Variants in KANSL2 observed in about 807,000 individuals in gnomAD.
KANSL2 encodes KAT8 regulatory NSL complex subunit 2.
In KANSL2, 34 loss-of-function variants were observed where a neutral mutation model predicts 55.6. That is an observed-to-expected ratio of 0.61 (90% confidence interval 0.46 to 0.81). The LOEUF is 0.81. Among genes scored for constraint, KANSL2 ranks in the 40% least tolerant of loss-of-function variants. The probability of loss-of-function intolerance (pLI) is 0.00; values close to 1 mark genes in which losing one functional copy is unlikely to be tolerated. For synonymous variants in KANSL2, 209 were observed against 214.3 expected, an observed-to-expected ratio of 0.98 and a Z score of 0.22; for missense variants, 502 against 609.9, an observed-to-expected ratio of 0.82 and a Z score of 1.86.
At chr12:48,677,045 TAAG>T (rs1475916246) in intron 4 of KANSL2, among the ~76,000 whole-genome samples, 1 of 152,164 alleles carries the variant, frequency 6.6e-6, no homozygotes, top group Non-Finnish European at 1.5e-5. Context: ...TATGTAATCA[TAAG>T]GAGACACTGA....
chr12:48,680,215 T>C (rs532459030), intron 2 of KANSL2, among the ~76,000 whole-genome samples: 18 of 152,330 alleles, frequency 1.2e-4, no homozygotes, highest in African/African-American at 4.3e-4. Flanking sequence ...TGCACCACTG[T>C]GCCCAGCAAA....
At position 48,667,728 on chromosome 12, in the gene KANSL2, T is replaced by C. The variant is rs17238800; in HGVS notation, c.938A>G (p.Asn313Ser). The C allele has an allele frequency of 0.024, 38,102 of 1,613,712 alleles. 517 individuals are homozygous for C. The highest frequency in any genetic ancestry group is 0.027 in the Non-Finnish European group (31,398 of 1,179,656). The stretch of plus-strand genomic sequence containing the variant: ...GTGTCTGGTCATTGGAAGAGACTGA[T>C]TGGAACAACGAACATCATCCACAAA... ...LAFVDDVRCS[N>S]QSLPMTRHCL... Residue 313 changes from asparagine (N) to serine (S), a missense_variant, in exon 7 of 10, where the codon AAT (asparagine) becomes AGT (serine). Coordinates refer to ENST00000420613, the MANE Select transcript of KANSL2 (RefSeq NM_017822.4).
intron 7 of KANSL2, among the ~76,000 whole-genome samples, chr12:48,664,879 CTTTTTT>C (rs367566566): frequency 1.1e-5 from 1 of 94,660 alleles, no homozygotes; most frequent in Non-Finnish European, 2.1e-5. Context: ...ACTGCGCCCG[CTTTTTT>C]TTTTTTTTTT....
intron 1 of KANSL2, 156 bp from the exon 2 acceptor site, chr12:48,681,797 A>T (rs781140283): frequency 1.1e-6 from 1 of 902,924 alleles, no homozygotes; most frequent in South Asian, 1.4e-5. Flanking sequence ...CTCCACAGGC[A>T]TCTGTGGCTT....
intron 4 of KANSL2, among the ~76,000 whole-genome samples, chr12:48,675,848 TATTATTAGC>T (rs746084781): frequency 7.9e-5 from 12 of 152,352 alleles, no homozygotes; most frequent in Non-Finnish European, 1.6e-4. Context: ...GTCAAGGTTT[TATTATTAGC>T]ATTCATCTTC....
chr12:48,681,342 C>G, intron 2 of KANSL2, 40 bp downstream of exon 2: 2 of 1,558,450 alleles, frequency 1.3e-6, no homozygotes, highest in Middle Eastern at 3.5e-4. Flanking sequence ...CATACCCCCT[C>G]GCTTTAAGAA....
At chr12:48,655,182 A>T (rs1939353461) in intron 8 of KANSL2, 122 bp from the exon 9 acceptor site, 3 of 795,096 alleles carry the variant, frequency 3.8e-6, no homozygotes, top group Non-Finnish European at 5.5e-6. Context: ...TACCTTTAAT[A>T]AAAAAAAAAT....
intron 5 of KANSL2, 71 bp downstream of exon 5, chr12:48,671,728 G>T: frequency 1.4e-6 from 2 of 1,429,906 alleles, no homozygotes; most frequent in Non-Finnish European, 1.9e-6. Context: ...ATCATTAAGT[G>T]ACACATGACT....
At position 48,668,132 on chromosome 12, in the gene KANSL2, T is replaced by C. The variant is rs527756027; in HGVS notation, c.877-343A>G. ...CTTACTGAAACAGAGACCAAGGGTCTGAAAAACAAATTTAAGAATGATCAC... is the reference window on the plus strand; with the variant it reads ...CTTACTGAAACAGAGACCAAGGGTCCGAAAAACAAATTTAAGAATGATCAC... On this transcript the variant is annotated intron_variant, in intron 6 of 9. Transcript: ENST00000420613. Among the ~76,000 whole-genome samples the C allele has an allele frequency of 1.1e-4, 17 of 152,336 alleles. No homozygotes were observed. In the South Asian group the frequency reaches 3.5e-3, roughly 32 times the overall value.
In KANSL2 at chr12:48,660,352, C is replaced by G; in HGVS notation, c.1227+14G>C. Reference sequence around the variant, plus strand: ...CTCAAGGGCCTGAACCAAAGCAGAGCTTCTCTAACTTACATCACTGAACTC... The same window carrying G: ...CTCAAGGGCCTGAACCAAAGCAGAGGTTCTCTAACTTACATCACTGAACTC... On this transcript the variant is annotated intron_variant, in intron 8 of 9. Coordinates refer to ENST00000420613, the MANE Select transcript of KANSL2 (RefSeq NM_017822.4). 6.2e-7 allele frequency: 1 copy of G among 1,613,140 alleles called. No homozygotes were observed. Among genetic ancestry groups the G allele is most frequent in the Non-Finnish European group, 8.5e-7 (1 of 1,179,242 alleles).
Position 48,660,599 on chromosome 12 carries a change from G to A in KANSL2, c.994C>T (p.Gln332Ter). The A allele has an allele frequency of 6.2e-7, 1 of 1,613,008 alleles. No homozygotes were observed. ...CLTHICQDTN[Q>*]VLFKCCQGSE... ...CCCTGGCAGCACTTGAAGAGAACCTGATTCGTATCCTGACAAATATCTGTA... is the reference window on the plus strand; with the variant it reads ...CCCTGGCAGCACTTGAAGAGAACCTAATTCGTATCCTGACAAATATCTGTA... Residue 332 changes from glutamine (Q) to a stop codon, truncating the protein, a stop_gained, in exon 8 of 10, where the codon CAG becomes TAG. Transcript: ENST00000420613. LOFTEE classifies it high-confidence loss of function.
chr12:48,671,591 T>C (rs1939715086), intron 5 of KANSL2, among the ~76,000 whole-genome samples: 1 of 152,224 alleles, frequency 6.6e-6, no homozygotes, highest in Non-Finnish European at 1.5e-5. Flanking sequence ...GCCCACAGTA[T>C]TCAGTACAGT....
chr12:48,668,723 T>C (rs975088719), intron 6 of KANSL2, among the ~76,000 whole-genome samples: 1 of 152,076 alleles, frequency 6.6e-6, no homozygotes, highest in South Asian at 2.1e-4. Flanking sequence ...ACATAGTGTT[T>C]TGACAATTAC....
At chr12:48,665,434 G>T (rs924036323) in intron 7 of KANSL2, among the ~76,000 whole-genome samples, 1 of 152,070 alleles carries the variant, frequency 6.6e-6, no homozygotes, top group African/African-American at 2.4e-5. Flanking sequence ...ACGGTGGCAG[G>T]CACCTGCAAT....
chr12:48,680,500 A>C (rs764549770), intron 2 of KANSL2, among the ~76,000 whole-genome samples: 60 of 152,172 alleles, frequency 3.9e-4, no homozygotes, highest in African/African-American at 1.4e-3. Context: ...CCAGGGACAC[A>C]ATTTTAAAAC....
rs1179598167 is a variant in KANSL2 at position 48,681,613 on chromosome 12, T to C, written c.20A>G (p.His7Arg). ...CCTCCCCCGATTGGTTGGCAAGACG[T>C]GAATCCGAATCCTGTTCATAACCAA... Reference protein sequence around the residue: MNRIRIHVLPTNRGRIT... With the variant: MNRIRIRVLPTNRGRIT... The change falls in exon 2 of 10, where the codon CAC becomes CGC. Residue 7 changes from histidine (H) to arginine (R), a missense_variant. His to Arg is a conservative substitution (Grantham distance 29, BLOSUM62 0). Coordinates refer to ENST00000420613, the MANE Select transcript of KANSL2 (RefSeq NM_017822.4). The C allele has an allele frequency of 6.2e-7, 1 of 1,614,018 alleles. No homozygotes were observed. The highest frequency in any genetic ancestry group is 1.1e-5 in the South Asian group (1 of 91,088).
intron 4 of KANSL2, among the ~76,000 whole-genome samples, chr12:48,675,123 C>A (rs1036928264): frequency 6.6e-6 from 1 of 151,750 alleles, no homozygotes; most frequent in Non-Finnish European, 1.5e-5. Context: ...TGGCTGGGCA[C>A]GGTGGCTCAA....
chr12:48,669,044 G>A (rs1446538523), intron 6 of KANSL2, 62 bp downstream of exon 6: 35 of 1,345,438 alleles, frequency 2.6e-5, no homozygotes, highest in South Asian at 8.3e-5. Context: ...ACTCCGTCTC[G>A]AAAAAATAAA....
chr12:48,672,526 G>A (rs1038756531), intron 4 of KANSL2, among the ~76,000 whole-genome samples: 11 of 149,174 alleles, frequency 7.4e-5, no homozygotes, highest in Non-Finnish European at 1.6e-4. Flanking sequence ...TGCTTCCTGG[G>A]CTCAAGCGAT....
Sources: gnomAD v4.1 joint callset for allele counts (sites outside exome capture counted in the v4.1 genomes callset) on GRCh38, gnomAD v4.1.1 for gene constraint, MANE v1.5 for transcripts, NCBI Gene and HGNC (gene_info 2026-07-23, HGNC 2026-07-21) for gene names.